NR3C2: variants seen among roughly 807,000 people sequenced by gnomAD.
The protein encoded by NR3C2 is nuclear receptor subfamily 3 group C member 2.
Under a neutral mutation model 86.4 loss-of-function variants are expected in NR3C2, and 15 were observed. That is an observed-to-expected ratio of 0.17 (90% CI 0.12 to 0.27). The LOEUF is 0.27. Ranked by LOEUF, NR3C2 falls within the 10% of genes least tolerant of loss-of-function variation. NR3C2 has a pLI of 1.00. For missense variants in NR3C2, 960 were observed against 1,195.6 expected (o/e 0.80, Z 2.91); for synonymous variants, 458 against 450.5 (o/e 1.02, Z -0.21).
chr4:148,322,870 C>T (rs1030296947), intron 2 of NR3C2, among the ~76,000 whole-genome samples: 1 of 101,308 alleles, frequency 9.9e-6, no homozygotes, highest in Non-Finnish European at 2.0e-5. Context: ...AAGCCTTCTT[C>T]TCTGAGCTCG....
In NR3C2 at chr4:148,436,618, A is replaced by G. The variant is rs771393540; in HGVS notation, c.243T>C (p.Pro81=). 1 of 1,614,190 alleles carries G rather than the reference A, an allele frequency of 6.2e-7. No homozygotes were observed. The highest frequency in any genetic ancestry group is 8.5e-7 in the Non-Finnish European group (1 of 1,180,014). Residue 81 remains proline, a synonymous_variant, in exon 2 of 9, where the codon CCT becomes CCC. Transcript: ENST00000358102. ...LPCLQQDNNR[P]GILTSDIKTE... is the part of the protein sequence containing the mutation. ...TTTTAATATCAGATGTTAAAATCCC[A>G]GGCCGATTATTGTCTTGCTGAAGGC... is the stretch of plus-strand genomic sequence containing the variant.
intron 3 of NR3C2, among the ~76,000 whole-genome samples, chr4:148,241,327 A>G (rs1739028730): frequency 6.9e-6 from 1 of 145,788 alleles, no homozygotes; most frequent in Middle Eastern, 3.5e-3. Context: ...AAAAAAAAAA[A>G]AAAAAAGGGG....
intron 4 of NR3C2, among the ~76,000 whole-genome samples, chr4:148,167,434 G>T (rs3843410): frequency 0.77 from 116,754 of 152,146 alleles, 45,495 homozygotes; most frequent in African/African-American, 0.92. Context: ...AGCATTTTTA[G>T]CCTTTAGTGA....
intron 2 of NR3C2, among the ~76,000 whole-genome samples, chr4:148,278,203 G>C (rs1741054491): frequency 6.6e-6 from 1 of 151,928 alleles, no homozygotes; most frequent in Non-Finnish European, 1.5e-5. Context: ...CACCTCCCAG[G>C]TTCAAGAGAT....
chr4:148,342,197 G>T (rs751588477), intron 2 of NR3C2, among the ~76,000 whole-genome samples: 2 of 152,046 alleles, frequency 1.3e-5, no homozygotes, highest in Non-Finnish European at 2.9e-5. Flanking sequence ...GGGTCACATC[G>T]CCAGAGCTCA....
intron 6 of NR3C2, among the ~76,000 whole-genome samples, chr4:148,131,264 GGTGCACAGAC>G (rs1248233189): frequency 2.6e-5 from 4 of 152,132 alleles, no homozygotes; most frequent in African/African-American, 9.7e-5. Flanking sequence ...TGACTGGTGT[GGTGCACAGAC>G]GTAATCACAG....
At chr4:148,411,668 A>T (rs1431601307) in intron 2 of NR3C2, among the ~76,000 whole-genome samples, 2 of 152,222 alleles carry the variant, frequency 1.3e-5, no homozygotes, top group Non-Finnish European at 2.9e-5. Context: ...AACCTTCTGG[A>T]CAGTGTCGTC....
chr4:148,261,316 A>C (rs1213765965), intron 2 of NR3C2, among the ~76,000 whole-genome samples: 2 of 150,694 alleles, frequency 1.3e-5, no homozygotes, highest in East Asian at 3.9e-4. Context: ...CGCTATGGTA[A>C]GCGCTATGGT....
At chr4:148,127,054 G>T (rs1732783096) in intron 6 of NR3C2, among the ~76,000 whole-genome samples, 1 of 151,888 alleles carries the variant, frequency 6.6e-6, no homozygotes, top group South Asian at 2.1e-4. Context: ...TTTATTCTTT[G>T]CTCCCCATTA....
intron 4 of NR3C2, among the ~76,000 whole-genome samples, chr4:148,188,798 C>T (rs1401353723): frequency 6.6e-6 from 1 of 152,086 alleles, no homozygotes; most frequent in East Asian, 1.9e-4. Flanking sequence ...AGTGGGCATC[C>T]TTGTCTTGTT....
chr4:148,261,654 G>T (rs1286332469), intron 2 of NR3C2, among the ~76,000 whole-genome samples: 1 of 152,196 alleles, frequency 6.6e-6, no homozygotes. Flanking sequence ...GATGGGCTCA[G>T]AAAACTGGAT....
intron 2 of NR3C2, among the ~76,000 whole-genome samples, chr4:148,307,869 A>G (rs1329253836): frequency 6.6e-6 from 1 of 151,834 alleles, no homozygotes; most frequent in East Asian, 1.9e-4. Context: ...ACAAAACAAA[A>G]AAAGGGCACT....
chr4:148,149,928 G>A (rs1475352758), intron 6 of NR3C2, among the ~76,000 whole-genome samples: 1 of 152,164 alleles, frequency 6.6e-6, no homozygotes, highest in African/African-American at 2.4e-5. Context: ...AGAGAAATTA[G>A]AACCCTTGTA....
chr4:148,163,654 C>T (rs1734760674), intron 4 of NR3C2, among the ~76,000 whole-genome samples: 1 of 145,936 alleles, frequency 6.9e-6, no homozygotes, highest in South Asian at 2.3e-4. Flanking sequence ...TTGCTCAGTC[C>T]TGTATGTAAA....
intron 3 of NR3C2, among the ~76,000 whole-genome samples, chr4:148,253,842 C>T (rs1431407790): frequency 6.6e-6 from 1 of 152,156 alleles, no homozygotes; most frequent in Non-Finnish European, 1.5e-5. Flanking sequence ...AGGCAGGGAT[C>T]GTTGTCCAAG....
At chr4:148,150,995 AG>A (rs1442708276) in intron 6 of NR3C2, among the ~76,000 whole-genome samples, 3 of 152,158 alleles carry the variant, frequency 2.0e-5, no homozygotes, top group Non-Finnish European at 4.4e-5. Context: ...CCAGAGGCTT[AG>A]GGGAGGGGAT....
intron 4 of NR3C2, among the ~76,000 whole-genome samples, chr4:148,186,999 T>C (rs1408859840): frequency 2.5e-4 from 2 of 7,966 alleles, no homozygotes; most frequent in Non-Finnish European, 3.7e-4. Flanking sequence ...TATGTATGTA[T>C]ATATATATAT....
intron 8 of NR3C2, among the ~76,000 whole-genome samples, chr4:148,097,740 C>CTTTTT (rs1560919908): frequency 1.0e-5 from 1 of 99,864 alleles, no homozygotes; most frequent in African/African-American, 4.7e-5. Context: ...GACTTTTTTG[C>CTTTTT]GTTTTTTTTT....
At chr4:148,391,214 C>A (rs2126491649) in intron 2 of NR3C2, among the ~76,000 whole-genome samples, 1 of 152,298 alleles carries the variant, frequency 6.6e-6, no homozygotes, top group Non-Finnish European at 1.5e-5. Flanking sequence ...CTTATAAAAT[C>A]TGTTTCACAG....
Sources: gnomAD v4.1 joint callset for allele counts (sites outside exome capture counted in the v4.1 genomes callset) on GRCh38, gnomAD v4.1.1 for gene constraint, MANE v1.5 for transcripts, NCBI Gene and HGNC (gene_info 2026-07-23, HGNC 2026-07-21) for gene names.